Variants in PSD3 observed in about 807,000 individuals in gnomAD.
The protein encoded by PSD3 is PH and SEC7 domain-containing protein 3.
A neutral mutation model predicts 105.5 loss-of-function variants in PSD3; 49 were observed. The ratio of observed to expected loss-of-function variants is 0.46; its 90% CI spans 0.37 to 0.59. PSD3 has a LOEUF of 0.59. Among genes scored for constraint, PSD3 ranks in the 20% least tolerant of loss-of-function variants. PSD3 has a pLI of 0.00. For synonymous variants in PSD3, 557 were observed against 457.8 expected (o/e 1.22, Z -2.77); for missense variants, 1,561 against 1,263.8 (o/e 1.24, Z -3.57).
intron 2 of PSD3, among the ~76,000 whole-genome samples, chr8:18,931,158 T>C (rs1199671905): frequency 4.6e-5 from 7 of 152,162 alleles, no homozygotes; most frequent in African/African-American, 9.7e-5. Context: ...CTTCTTGTCA[T>C]TGAGATGTAA....
chr8:18,731,029 T>C (rs1407445351), intron 9 of PSD3, among the ~76,000 whole-genome samples: 1 of 146,386 alleles, frequency 6.8e-6, no homozygotes, highest in African/African-American at 2.5e-5. Context: ...TTCACCCCTT[T>C]ACCTCCCCCA....
intron 8 of PSD3, among the ~76,000 whole-genome samples, chr8:18,776,383 A>AT (rs764807241): frequency 0.054 from 6,730 of 123,832 alleles, 200 homozygotes; most frequent in Non-Finnish European, 0.074. Flanking sequence ...TATATATATA[A>AT]TTTTTTTTTT....
chr8:18,768,946 C>A (rs190394707), intron 8 of PSD3, among the ~76,000 whole-genome samples: 113 of 152,268 alleles, frequency 7.4e-4, no homozygotes, highest in African/African-American at 2.5e-3. Flanking sequence ...TAAATTAAAT[C>A]TGCAGTTTAA....
In PSD3 at chr8:18,952,825, C is replaced by G. The variant is rs1306431156; in HGVS notation, c.22-16683G>C. The stretch of plus-strand genomic sequence containing the variant: ...GAGACATTTAGTTATTTTTCTAATT[C>G]TTGTAAGAATCCAAACAACTTATTG... On this transcript the variant is annotated intron_variant, in intron 1 of 15. Coordinates refer to ENST00000327040, the MANE Select transcript of PSD3 (RefSeq NM_015310.4). Among the ~76,000 whole-genome samples the G allele has an allele frequency of 2.0e-5, 3 of 152,122 alleles. No homozygotes were observed. The East Asian group carries it at 5.8e-4, about 29-fold the overall frequency.
intron 1 of PSD3, among the ~76,000 whole-genome samples, chr8:18,959,914 C>T (rs1318364768): frequency 6.6e-6 from 1 of 152,200 alleles, no homozygotes; most frequent in Non-Finnish European, 1.5e-5. Flanking sequence ...CCATTGTGGT[C>T]CCTCAGGCTG....
intron 9 of PSD3, among the ~76,000 whole-genome samples, chr8:18,722,612 C>T (rs1208321851): frequency 6.6e-6 from 1 of 152,164 alleles, no homozygotes; most frequent in African/African-American, 2.4e-5. Context: ...ATAAATGTAT[C>T]TAAATATAAT....
At chr8:18,656,370 T>TTTG (rs397739858) in intron 9 of PSD3, among the ~76,000 whole-genome samples, 1 of 151,682 alleles carries the variant, frequency 6.6e-6, no homozygotes, top group Non-Finnish European at 1.5e-5. Context: ...TTTTTTTTTT[T>TTTG]CGTTAATGAA....
intron 4 of PSD3, among the ~76,000 whole-genome samples, chr8:18,830,011 A>G (rs1370323844): frequency 6.6e-6 from 1 of 152,118 alleles, no homozygotes; most frequent in Non-Finnish European, 1.5e-5. Context: ...TTTGTCAGCG[A>G]GCCTGGAGCG....
intron 9 of PSD3, among the ~76,000 whole-genome samples, chr8:18,749,560 T>A (rs796850514): frequency 2.6e-5 from 4 of 152,282 alleles, no homozygotes; most frequent in African/African-American, 9.6e-5. Flanking sequence ...AGGTTACTCA[T>A]CAACTAACCT....
intron 12 of PSD3, among the ~76,000 whole-genome samples, chr8:18,588,345 G>C (rs1803348406): frequency 6.6e-6 from 1 of 152,130 alleles, no homozygotes; most frequent in Non-Finnish European, 1.5e-5. Flanking sequence ...CATTGATTGA[G>C]GAATTAGTCT....
At chr8:18,977,794 TTTC>T (rs1825025043) in intron 1 of PSD3, among the ~76,000 whole-genome samples, 1 of 152,170 alleles carries the variant, frequency 6.6e-6, no homozygotes, top group African/African-American at 2.4e-5. Flanking sequence ...TTATTTATAT[TTTC>T]TTCTTTTTAC....
At chr8:18,936,227 G>C (rs919529346) in intron 1 of PSD3, 85 bp from the exon 2 acceptor site, 5 of 882,822 alleles carry the variant, frequency 5.7e-6, no homozygotes, top group African/African-American at 5.0e-5. Context: ...ACATGAGATT[G>C]GTAAAATAAT....
At chr8:18,935,609 A>C (rs992927668) in intron 2 of PSD3, among the ~76,000 whole-genome samples, 8 of 151,692 alleles carry the variant, frequency 5.3e-5, no homozygotes, top group Non-Finnish European at 8.8e-5. Flanking sequence ...AGGCAGAAGG[A>C]TCATTTGAGC....
intron 1 of PSD3, among the ~76,000 whole-genome samples, chr8:19,031,171 C>A (rs1827756057): frequency 6.6e-6 from 1 of 152,126 alleles, no homozygotes; most frequent in South Asian, 2.1e-4. Context: ...CAGTGTCCAG[C>A]AAAACCAGGA....
chr8:18,898,304 A>G (rs969834703), intron 2 of PSD3, among the ~76,000 whole-genome samples: 1 of 152,176 alleles, frequency 6.6e-6, no homozygotes, highest in Non-Finnish European at 1.5e-5. Flanking sequence ...ATATACGTTT[A>G]TAAGTGTTAT....
At chr8:18,748,268 A>G (rs375232629) in intron 9 of PSD3, among the ~76,000 whole-genome samples, 44 of 152,272 alleles carry the variant, frequency 2.9e-4, no homozygotes, top group African/African-American at 1.0e-3. Context: ...CTTTGTATAG[A>G]TGCATGCTTT....
At chr8:18,799,249 T>TA (rs1563282421) in intron 8 of PSD3, 46 bp downstream of exon 8, 2 of 1,498,844 alleles carry the variant, frequency 1.3e-6, no homozygotes, top group Admixed American at 1.7e-5. Flanking sequence ...AAAGCAGAGA[T>TA]AAGCCCGACA....
At chr8:18,602,525 C>CA (rs1476724445) in intron 11 of PSD3, among the ~76,000 whole-genome samples, 3 of 151,998 alleles carry the variant, frequency 2.0e-5, no homozygotes, top group African/African-American at 4.8e-5. Context: ...ATAATCCTCC[C>CA]AAAAAGATAA....
At chr8:18,686,368 G>C (rs1172006142) in intron 9 of PSD3, among the ~76,000 whole-genome samples, 1 of 152,192 alleles carries the variant, frequency 6.6e-6, no homozygotes, top group Non-Finnish European at 1.5e-5. Flanking sequence ...AAGTATACCA[G>C]GAACCACGCT....
Sources: gnomAD v4.1 joint callset for allele counts (sites outside exome capture counted in the v4.1 genomes callset) on GRCh38, gnomAD v4.1.1 for gene constraint, MANE v1.5 for transcripts, NCBI Gene and HGNC (gene_info 2026-07-23, HGNC 2026-07-21) for gene names.